The following OTUD7A variants were observed in gnomAD, a reference collection of about 807,000 sequenced individuals.
OTUD7A encodes OTU deubiquitinase 7A.
Under a neutral mutation model 65.7 loss-of-function variants are expected in OTUD7A, and 12 were observed. That is an observed-to-expected ratio of 0.18 (90% CI 0.12 to 0.30). The LOEUF (loss-of-function observed/expected upper bound fraction) is 0.30, where lower values mean the gene tolerates loss of function less well. Among genes scored for constraint, OTUD7A ranks in the 10% least tolerant of loss-of-function variants. OTUD7A has a pLI of 1.00. For missense variants in OTUD7A, 1,148 were observed against 1,304.8 expected (o/e 0.88, Z 1.85); for synonymous variants, 641 against 586.3 (o/e 1.09, Z -1.35).
chr15:31,510,239 G>A (rs955174333), intron 8 of OTUD7A, among the ~76,000 whole-genome samples: 2 of 152,064 alleles, frequency 1.3e-5, no homozygotes, highest in African/African-American at 2.4e-5. Context: ...GTCGTTAGTC[G>A]TAAGAGTTAG....
At chr15:31,814,005 T>A (rs527250924) in intron 1 of OTUD7A, among the ~76,000 whole-genome samples, 1 of 151,816 alleles carries the variant, frequency 6.6e-6, no homozygotes. Flanking sequence ...CAAGAAAAAA[T>A]AAAAAAAGAA....
At chr15:31,564,387 GTT>G (rs398026753) in intron 4 of OTUD7A, among the ~76,000 whole-genome samples, 7 of 119,882 alleles carry the variant, frequency 5.8e-5, no homozygotes, top group African/African-American at 8.6e-5. Flanking sequence ...TTTGAGGAAG[GTT>G]TTTTTTTTTT....
chr15:31,610,943 A>ATAT (rs1487412597), intron 3 of OTUD7A, among the ~76,000 whole-genome samples: 4 of 151,996 alleles, frequency 2.6e-5, no homozygotes, highest in Non-Finnish European at 5.9e-5. Context: ...AAATGAAATT[A>ATAT]TATTAAGCAC....
At chr15:31,838,804 C>G (rs1223487045) in intron 1 of OTUD7A, among the ~76,000 whole-genome samples, 3 of 152,068 alleles carry the variant, frequency 2.0e-5, no homozygotes, top group East Asian at 3.9e-4. Flanking sequence ...ATTTTGAAGG[C>G]CCCCTACTAG....
chr15:31,563,710 C>T (rs1299978921), intron 4 of OTUD7A, among the ~76,000 whole-genome samples: 2 of 152,206 alleles, frequency 1.3e-5, no homozygotes, highest in East Asian at 1.9e-4. Context: ...GGGAGCTTGG[C>T]GGTTACACCA....
intron 1 of OTUD7A, among the ~76,000 whole-genome samples, chr15:31,844,165 G>A (rs912862743): frequency 2.6e-5 from 4 of 152,146 alleles, no homozygotes; most frequent in African/African-American, 4.8e-5. Flanking sequence ...TAGCATCCCA[G>A]GCACCCACAC....
chr15:31,617,531 T>C (rs565716527), intron 3 of OTUD7A, among the ~76,000 whole-genome samples: 1 of 152,234 alleles, frequency 6.6e-6, no homozygotes, highest in East Asian at 1.9e-4. Flanking sequence ...AAGACTTATA[T>C]ACATTTATAT....
intron 1 of OTUD7A, among the ~76,000 whole-genome samples, chr15:31,780,026 C>T (rs1010335183): frequency 2.0e-5 from 3 of 152,092 alleles, no homozygotes; most frequent in African/African-American, 7.2e-5. Flanking sequence ...AAGGAGGGAG[C>T]ATGTCATCCT....
intron 1 of OTUD7A, among the ~76,000 whole-genome samples, chr15:31,804,974 T>C (rs953513563): frequency 5.3e-5 from 8 of 152,098 alleles, no homozygotes; most frequent in African/African-American, 1.9e-4. Flanking sequence ...CCAGGCACCG[T>C]GTTGAAAGGC....
intron 1 of OTUD7A, among the ~76,000 whole-genome samples, chr15:31,839,034 C>CT (rs1402564389): frequency 6.6e-6 from 1 of 152,230 alleles, no homozygotes; most frequent in Non-Finnish European, 1.5e-5. Context: ...CACTGGTGTG[C>CT]TGCTCTCCCA....
chr15:31,800,776 G>GT (rs1179013747), intron 1 of OTUD7A, among the ~76,000 whole-genome samples: 2 of 151,818 alleles, frequency 1.3e-5, no homozygotes, highest in African/African-American at 2.4e-5. Context: ...GCGTTTTTTT[G>GT]TTTTTTTCTT....
At chr15:31,672,124 T>C (rs1362587552) in intron 1 of OTUD7A, among the ~76,000 whole-genome samples, 1 of 152,244 alleles carries the variant, frequency 6.6e-6, no homozygotes. Context: ...TAATATTATA[T>C]ACATAAAACA....
Position 31,845,596 on chromosome 15 carries a change from C to G in OTUD7A, c.-100+24911G>C, listed in dbSNP as rs28477864. Among the ~76,000 whole-genome samples, 5 of 152,304 alleles carry G rather than the reference C, an allele frequency of 3.3e-5. No individual in the cohort carries two copies. The South Asian group carries it at 1.0e-3, about 32-fold the overall frequency. ...TTGGCCATGTTTTACAGATCCCCAG[C>G]CCCCAACCAGCATGTTGAGGCCCCC... On this transcript the variant is annotated intron_variant, in intron 1 of 12. Transcript: ENST00000307050.
intron 1 of OTUD7A, among the ~76,000 whole-genome samples, chr15:31,867,289 G>A (rs989594384): frequency 2.0e-5 from 3 of 152,084 alleles, no homozygotes; most frequent in Non-Finnish European, 2.9e-5. Context: ...GCACAGTAAC[G>A]AAACGTTTTT....
chr15:31,740,925 A>G (rs1273608046), intron 1 of OTUD7A, among the ~76,000 whole-genome samples: 1 of 152,254 alleles, frequency 6.6e-6, no homozygotes, highest in African/African-American at 2.4e-5. Flanking sequence ...TTAGGTAAAA[A>G]GCATTTGCTA....
chr15:31,563,726 G>A (rs569433377), intron 4 of OTUD7A, among the ~76,000 whole-genome samples: 57 of 152,346 alleles, frequency 3.7e-4, no homozygotes, highest in Admixed American at 1.6e-3. Flanking sequence ...CACCAGAGCA[G>A]GGCAGTCCCT....
chr15:31,503,891 C>A, intron 8 of OTUD7A, 73 bp from the exon 9 acceptor site: 2 of 1,563,112 alleles, frequency 1.3e-6, no homozygotes, highest in South Asian at 2.2e-5. Context: ...GGGACTGCTT[C>A]ATGCAGGGGC....
chr15:31,726,054 GTTTT>G (rs55709390), intron 1 of OTUD7A, among the ~76,000 whole-genome samples: 1 of 146,908 alleles, frequency 6.8e-6, no homozygotes, highest in Non-Finnish European at 1.5e-5. Context: ...GCCAGACAGA[GTTTT>G]TTTTTTTTTT....
intron 4 of OTUD7A, among the ~76,000 whole-genome samples, chr15:31,566,561 A>G (rs558170942): frequency 3.3e-5 from 5 of 152,324 alleles, no homozygotes; most frequent in Admixed American, 2.6e-4. Context: ...TAGAAAAACA[A>G]CATAAACACA....
Sources: gnomAD v4.1 joint callset for allele counts (sites outside exome capture counted in the v4.1 genomes callset) on GRCh38, gnomAD v4.1.1 for gene constraint, MANE v1.5 for transcripts, NCBI Gene and HGNC (gene_info 2026-07-23, HGNC 2026-07-21) for gene names.